The following TOP2A variants were observed in gnomAD, a reference collection of about 807,000 sequenced individuals.
TOP2A encodes the protein DNA topoisomerase II alpha.
TOP2A carries 68 observed loss-of-function variants against 187.2 expected under a neutral mutation model. That is an observed-to-expected ratio of 0.36 (90% CI 0.30 to 0.44). The LOEUF (loss-of-function observed/expected upper bound fraction) is 0.44. TOP2A is among the 20% of genes least tolerant of loss of function. TOP2A has a pLI of 1.00. For missense variants in TOP2A, 1,196 were observed against 1,808.7 expected (o/e 0.66, Z 6.14); for synonymous variants, 542 against 593.2 (o/e 0.91, Z 1.25).
At chr17:40,413,044 T>C (rs1220250975) in intron 6 of TOP2A, 73 bp from the exon 7 acceptor site, 4 of 1,360,936 alleles carry the variant, frequency 2.9e-6, no homozygotes, top group Non-Finnish European at 4.1e-6. Flanking sequence ...AACATAAATT[T>C]ATGAGTCCTA....
At chr17:40,416,130 C>CT (rs1205554665) in intron 3 of TOP2A, 62 bp from the exon 4 acceptor site, 1 of 1,278,644 alleles carries the variant, frequency 7.8e-7, no homozygotes, top group Non-Finnish European at 1.1e-6. Flanking sequence ...TTCTGTAACT[C>CT]TAAGTAAGAT....
At chr17:40,413,068 T>C in intron 6 of TOP2A, 97 bp from the exon 7 acceptor site, 1 of 1,279,644 alleles carries the variant, frequency 7.8e-7, no homozygotes, top group South Asian at 1.3e-5. Flanking sequence ...ACCTAATATA[T>C]ATGCTTATAA....
In TOP2A at chr17:40,406,883, G is replaced by C; in HGVS notation, c.1686C>G (p.Pro562=). ...CCAGAAAACGATGTCGCAGAAGAGA[G>C]GGCCAGTTGTGATGGATAAAATTAA... ...LLINFIHHNW[P]SLLRHRFLEE... Residue 562 remains proline, a synonymous_variant, in exon 14 of 35, where the codon CCC becomes CCG. Transcript: ENST00000423485. The C allele has an allele frequency of 6.2e-7, 1 of 1,607,966 alleles. No homozygotes were observed. Among genetic ancestry groups the C allele is most frequent in the Non-Finnish European group, 8.5e-7 (1 of 1,176,722 alleles).
chr17:40,411,112 T>C lies in TOP2A; in HGVS notation c.1200A>G (p.Lys400=), dbSNP rs1424870552. The change falls in exon 10 of 35, where the codon AAA becomes AAG. Residue 400 remains lysine (K), a synonymous_variant. Coordinates refer to ENST00000423485, the MANE Select transcript of TOP2A (RefSeq NM_001067.4). The surrounding 1 kb of genome is among the most constrained non-coding windows in gnomAD (Gnocchi z 4.4). The part of the protein sequence containing the change: ...STCQLSEKFI[K]AAIGCGIVES... ...TTATTTTCCTCTAAGTACTCACAGCTTTGATAAATTTTTCACTCAATTGGC... is the reference window on the plus strand; with the variant it reads ...TTATTTTCCTCTAAGTACTCACAGCCTTGATAAATTTTTCACTCAATTGGC... The C allele has an allele frequency of 1.2e-6, 2 of 1,602,886 alleles. No individual in the cohort carries two copies. The highest frequency in any genetic ancestry group is 2.3e-5 in the South Asian group (2 of 88,236).
chr17:40,413,422 G>T, intron 5 of TOP2A, 58 bp downstream of exon 5: 1 of 1,418,864 alleles, frequency 7.0e-7, no homozygotes, highest in Non-Finnish European at 9.5e-7. Flanking sequence ...GCCACAGACA[G>T]TCATTTAAAT....
At chr17:40,403,096 A>C (rs1242441860) in intron 19 of TOP2A, 42 bp from the exon 20 acceptor site, 2 of 1,537,066 alleles carry the variant, frequency 1.3e-6, no homozygotes. Flanking sequence ...GCTTTTACTA[A>C]TACAAATACA....
chr17:40,392,373 A>G lies in TOP2A; in HGVS notation c.3965-32T>C, dbSNP rs753028099. 1.9e-6 allele frequency: 3 copies of G among 1,566,556 alleles called. No individual in the cohort carries two copies. The South Asian group carries it at 3.5e-5, about 18-fold the overall frequency. ...AAAAAACCATATACAAAAAAATCAA[A>G]GAGGGTAGTAGGAGAAACAATTCAT... On this transcript the variant is annotated intron_variant, in intron 30 of 34. Transcript: ENST00000423485.
chr17:40,409,695 G>A (rs942363659), intron 10 of TOP2A: 9 of 218,960 alleles, frequency 4.1e-5, no homozygotes, highest in Non-Finnish European at 5.5e-5. Flanking sequence ...AAGGAGAATC[G>A]CTTGAACCTG....
At position 40,400,335 on chromosome 17, in the gene TOP2A, C is replaced by T; in HGVS notation, c.2874G>A (p.Arg958=). The change falls in exon 23 of 35, where the codon AGG becomes AGA. Residue 958 remains arginine (R), a synonymous_variant. Transcript: ENST00000423485. Reference sequence around the variant, plus strand: ...TCACAGTGGTATCTGTATGGTATTCCCTATAGTCTGTTATGAGAGGAGGTG... The same window carrying T: ...TCACAGTGGTATCTGTATGGTATTCTCTATAGTCTGTTATGAGAGGAGGTG... ...EKTPPLITDY[R]EYHTDTTVKF... 1 of 1,613,306 alleles carries T rather than the reference C, an allele frequency of 6.2e-7. No homozygotes were observed.
rs750554230 is a variant in TOP2A, at chr17:40,406,434, G to A, written c.1903C>T (p.Arg635Cys). The A allele has an allele frequency of 6.2e-6, 10 of 1,613,760 alleles. No homozygotes were observed. Among genetic ancestry groups the A allele is most frequent in the South Asian group, 1.1e-5 (1 of 91,082 alleles). ...GGACCAGAATATTTGAACTGGATACGATGTCTTTTCATATCTGCAAAGTAT... is the reference window on the plus strand; with the variant it reads ...GGACCAGAATATTTGAACTGGATACAATGTCTTTTCATATCTGCAAAGTAT... ...KEYFADMKRHRIQFKYSGPED... is the reference protein window; with the variant it reads ...KEYFADMKRHCIQFKYSGPED... Residue 635 changes from arginine (R) to cysteine (C), a missense_variant, in exon 16 of 35, where the codon CGT becomes TGT. This residue lies in a region of TOP2A where 209 missense variants were observed against 376.9 expected (regional missense o/e 0.55). Transcript: ENST00000423485.
chr17:40,398,468 C>A (rs1567783596), intron 27 of TOP2A, 90 bp downstream of exon 27: 7 of 1,144,412 alleles, frequency 6.1e-6, no homozygotes, highest in Admixed American at 5.6e-5. Flanking sequence ...CTTTTTATTG[C>A]CAATTGTGAA....
intron 13 of TOP2A, among the ~76,000 whole-genome samples, 187 bp from the exon 14 acceptor site, chr17:40,407,129 T>G (rs147470144): frequency 1.9e-3 from 288 of 152,226 alleles, no homozygotes; most frequent in African/African-American, 6.5e-3. Flanking sequence ...TTGGGTGTGG[T>G]GGCATCCGCC....
chr17:40,407,639 C>G lies in TOP2A; in HGVS notation c.1536G>C (p.Lys512Asn). The change falls in exon 13 of 35, where the codon AAG becomes AAC. Residue 512 changes from lysine to asparagine, a missense_variant. Physicochemically the swap from Lys to Asn is moderately conservative, Grantham distance 94. Around this residue, in one of 10 missense-constraint regions of TOP2A, gnomAD observed 252 missense variants for 434.8 expected, o/e 0.58. Coordinates refer to ENST00000423485, the MANE Select transcript of TOP2A (RefSeq NM_001067.4). ...MENAEINNII[K>N]IVGLQYKKNY... ...TTTTCTTGTACTGAAGACCCACAAT[C>G]TTGATGATATTGTTAATCTCAGCAT... 6.3e-7 allele frequency: 1 copy of G among 1,587,706 alleles called. No individual in the cohort carries two copies. Among genetic ancestry groups the G allele is most frequent in the East Asian group, 2.2e-5 (1 of 44,470 alleles).
At chr17:40,414,298 A>G (rs1209338323) in intron 4 of TOP2A, among the ~76,000 whole-genome samples, 3 of 152,158 alleles carry the variant, frequency 2.0e-5, no homozygotes, top group Non-Finnish European at 4.4e-5. Flanking sequence ...CCTGGGCTCA[A>G]GCAATCCTCC....
chr17:40,399,913 G>T lies in TOP2A; in HGVS notation c.3155C>A (p.Ala1052Asp). 6.2e-7 allele frequency: 1 copy of T among 1,609,796 alleles called. No homozygotes were observed. The highest frequency in any genetic ancestry group is 2.2e-5 in the East Asian group (1 of 44,818). ...GAESAKLNNQARFILEKIDGK... is the reference protein window; with the variant it reads ...GAESAKLNNQDRFILEKIDGK... ...ATCTATTTTCTCTAAGATAAAGCGA[G>T]CCTGATTATTCAGTTTAGCAGATTC... The change falls in exon 24 of 35, where the codon GCT becomes GAT. Residue 1052 changes from alanine (A) to aspartate (D), a missense_variant. Physicochemically the swap from Ala to Asp is moderately radical, Grantham distance 126. Transcript: ENST00000423485.
Position 40,406,565 on chromosome 17 carries a change from T to C in TOP2A, c.1843+19A>G, listed in dbSNP as rs764049509. The C allele has an allele frequency of 5.0e-6, 8 of 1,607,474 alleles. No homozygotes were observed. The highest frequency in any genetic ancestry group is 6.8e-6 in the Non-Finnish European group (8 of 1,175,620). On this transcript the variant is annotated intron_variant, in intron 15 of 34. Coordinates refer to ENST00000423485, the MANE Select transcript of TOP2A (RefSeq NM_001067.4). ...GTGTATAATAAAATGAGAAGTTCTA[T>C]ATGGGTTTCATTACAAACCTTTGTA...
chr17:40,407,733 T>C, intron 12 of TOP2A, 59 bp from the exon 13 acceptor site: 1 of 1,462,570 alleles, frequency 6.8e-7, no homozygotes, highest in East Asian at 2.4e-5. Flanking sequence ...AACAAAGAAA[T>C]TTAACAGTAT....
Position 40,402,889 on chromosome 17 carries a change from A to G in TOP2A, c.2432+17T>C. 1.3e-6 allele frequency: 2 copies of G among 1,571,492 alleles called. No individual in the cohort carries two copies. Among genetic ancestry groups the G allele is most frequent in the East Asian group, 4.5e-5 (2 of 44,116 alleles). On this transcript the variant is annotated intron_variant, in intron 20 of 34. Coordinates refer to ENST00000423485, the MANE Select transcript of TOP2A (RefSeq NM_001067.4). ...AACTGGAAATGGCAAGTCACTAGAA[A>G]GTGAAAGCATACCTACCTGAGCATT...
chr17:40,394,772 A>G lies in TOP2A; in HGVS notation c.3811+677T>C, dbSNP rs139514653. Among the ~76,000 whole-genome samples, 556 of 152,348 alleles carry G rather than the reference A, an allele frequency of 3.6e-3. 5 individuals carry two copies. Among genetic ancestry groups the G allele is most frequent in the African/African-American group, 0.013 (526 of 41,578 alleles). On this transcript the variant is annotated intron_variant, in intron 29 of 34. Transcript: ENST00000423485. ...TTAGTTCATTGAGTGGACATTATTT[A>G]TATCCGAAGCATGATGTTGAACTCT...
Sources: allele counts gnomAD v4.1 joint callset (sites outside exome capture counted in the v4.1 genomes callset), GRCh38; gene constraint gnomAD v4.1.1; regional missense constraint gnomAD v4.1.1; non-coding constraint Gnocchi (gnomAD v3.1); transcripts MANE v1.5; gene names NCBI Gene and HGNC (gene_info 2026-07-23, HGNC 2026-07-21).